The following CCDC158 variants were observed in gnomAD, a reference collection of about 807,000 sequenced individuals.
CCDC158 encodes the protein coiled-coil domain containing 158.
CCDC158 carries 116 observed loss-of-function variants against 138.6 expected under a neutral mutation model. That is an observed-to-expected ratio of 0.84 (90% confidence interval 0.72 to 0.98). The LOEUF (loss-of-function observed/expected upper bound fraction) is 0.98, where lower values mean the gene tolerates loss of function less well. Among genes scored for constraint, CCDC158 ranks in the 50% least tolerant of loss-of-function variants. The probability of loss-of-function intolerance (pLI) is 0.00; values close to 1 mark genes in which losing one functional copy is unlikely to be tolerated. For missense variants in CCDC158, 1,265 were observed against 1,306.1 expected, an observed-to-expected ratio of 0.97 and a Z score of 0.48; for synonymous variants, 436 against 442.4, an observed-to-expected ratio of 0.99 and a Z score of 0.18.
At chr4:76,359,928 C>T (rs1444961417) in intron 13 of CCDC158, among the ~76,000 whole-genome samples, 1 of 152,208 alleles carries the variant, frequency 6.6e-6, no homozygotes, top group African/African-American at 2.4e-5. Flanking sequence ...GAAAATGTCT[C>T]CAGGTCATTT....
intron 1 of CCDC158, among the ~76,000 whole-genome samples, chr4:76,415,237 TGA>T (rs1215170241): frequency 6.6e-6 from 1 of 152,168 alleles, no homozygotes; most frequent in African/African-American, 2.4e-5. Flanking sequence ...ACTTTGATCT[TGA>T]GAGAGATGAT....
chr4:76,407,648 T>A (rs1728939467), intron 2 of CCDC158, among the ~76,000 whole-genome samples: 1 of 152,162 alleles, frequency 6.6e-6, no homozygotes, highest in Non-Finnish European at 1.5e-5. Flanking sequence ...AATGTTATCA[T>A]GAATTAGAGA....
At chr4:76,367,998 T>C (rs1025890636) in intron 11 of CCDC158, among the ~76,000 whole-genome samples, 13 of 152,114 alleles carry the variant, frequency 8.5e-5, no homozygotes, top group Admixed American at 5.9e-4. Flanking sequence ...CCCAAAGTGC[T>C]GGGATTTCAG....
chr4:76,318,451 T>C (rs1422707681), intron 24 of CCDC158, among the ~76,000 whole-genome samples: 1 of 151,944 alleles, frequency 6.6e-6, no homozygotes, highest in Non-Finnish European at 1.5e-5. Context: ...ACCCTCCTGA[T>C]TAAGCTAGGA....
chr4:76,397,502 A>ATAACATTAGAACACAGTGT (rs1727927564), intron 3 of CCDC158, among the ~76,000 whole-genome samples: 1 of 152,212 alleles, frequency 6.6e-6, no homozygotes, highest in Non-Finnish European at 1.5e-5. Flanking sequence ...GTTCCTTCAA[A>ATAACATTAGAACACAGTGT]TAACATTAGA....
intron 13 of CCDC158, among the ~76,000 whole-genome samples, chr4:76,361,488 G>C (rs1724135836): frequency 1.3e-5 from 2 of 152,194 alleles, no homozygotes; most frequent in South Asian, 4.1e-4. Context: ...CATGAACCCG[G>C]GAGGCGGAGC....
At chr4:76,353,346 A>C (rs1346254738) in intron 15 of CCDC158, 65 bp from the exon 16 acceptor site, 52 of 1,308,258 alleles carry the variant, frequency 4.0e-5, no homozygotes, top group Non-Finnish European at 5.4e-5. Context: ...AAGGTAATGG[A>C]AATATAAAAT....
intron 19 of CCDC158, 53 bp from the exon 20 acceptor site, chr4:76,332,544 T>G: frequency 7.3e-7 from 1 of 1,375,888 alleles, no homozygotes; most frequent in South Asian, 1.3e-5. Flanking sequence ...ATTTCATCCA[T>G]GTCTTTTTTA....
At chr4:76,378,664 CT>C (rs33981982) in intron 9 of CCDC158, among the ~76,000 whole-genome samples, 4,471 of 152,080 alleles carry the variant, frequency 0.029, 220 homozygotes, top group African/African-American at 0.1. Context: ...TTTTTAGGGT[CT>C]TACTGTTTTA....
Position 76,351,738 on chromosome 4 carries a change from T to C in CCDC158, c.2520A>G (p.Gln840=). 1 of 1,610,990 alleles carries C rather than the reference T, an allele frequency of 6.2e-7. No homozygotes were observed. The highest frequency in any genetic ancestry group is 1.3e-5 in the African/African-American group (1 of 75,000). Residue 840 remains glutamine, a synonymous_variant, in exon 17 of 25, where the codon CAA becomes CAG. Transcript: ENST00000682701. ...ACCTTACTTTTATATCCAAAGTGTG[T>C]TGAAGTTTTAAGCGCACTGATTCTT... The part of the protein sequence containing the change: ...QEQESVRLKL[Q]HTLDIKELQG...
chr4:76,362,156 T>G lies in CCDC158; in HGVS notation c.1990A>C (p.Thr664Pro), dbSNP rs374450717. 2 of 1,613,706 alleles carry G rather than the reference T, an allele frequency of 1.2e-6. No individual in the cohort carries two copies. The highest frequency in any genetic ancestry group is 1.7e-6 in the Non-Finnish European group (2 of 1,179,940). Reference sequence around the variant, plus strand: ...AGATTGTTTAATTCACTCCTACTTGTTTTCACCTCATTTAATAATTGATCT... The same window carrying G: ...AGATTGTTTAATTCACTCCTACTTGGTTTCACCTCATTTAATAATTGATCT... ...ERDQLLNEVK[T>P]SRSELNNLSE... Residue 664 changes from threonine to proline, a missense_variant, in exon 13 of 25, where the codon ACA becomes CCA. Thr to Pro is a conservative substitution (Grantham distance 38). Coordinates refer to ENST00000682701, the MANE Select transcript of CCDC158 (RefSeq NM_001394954.1).
At chr4:76,389,003 G>A (rs10004732) in intron 4 of CCDC158, among the ~76,000 whole-genome samples, 4,038 of 152,082 alleles carry the variant, frequency 0.027, 177 homozygotes, top group African/African-American at 0.092. Context: ...GCACAAATAA[G>A]CTCAACTGTG....
intron 18 of CCDC158, among the ~76,000 whole-genome samples, chr4:76,347,451 A>C (rs1000367952): frequency 6.6e-6 from 1 of 152,086 alleles, no homozygotes; most frequent in African/African-American, 2.4e-5. Flanking sequence ...GCAAACTAAC[A>C]CAAGAACAGA....
intron 3 of CCDC158, among the ~76,000 whole-genome samples, chr4:76,398,966 C>T (rs1436361330): frequency 1.3e-5 from 2 of 152,056 alleles, no homozygotes; most frequent in African/African-American, 4.8e-5. Flanking sequence ...GGGAGGACAA[C>T]TGGAGAAATT....
At chr4:76,332,833 G>A (rs1458356623) in intron 19 of CCDC158, among the ~76,000 whole-genome samples, 1 of 152,192 alleles carries the variant, frequency 6.6e-6, no homozygotes, top group Non-Finnish European at 1.5e-5. Context: ...TGGCTGGAGT[G>A]GTGGAAGCTG....
intron 14 of CCDC158, among the ~76,000 whole-genome samples, chr4:76,356,372 GT>G (rs3041128): frequency 0.81 from 122,791 of 151,102 alleles, 50,038 homozygotes; most frequent in Admixed American, 0.85. Context: ...TAAAACAAAT[GT>G]TTTTTTTTTT....
In CCDC158 at chr4:76,403,259, C is replaced by T. The variant is rs1292131567; in HGVS notation, c.-52G>A. On this transcript the variant is annotated 5_prime_UTR_variant, in exon 3 of 25. Transcript: ENST00000682701. ...GATCTTGAAGTATGAATGGTTCCCT[C>T]TTTGGTTCTTTTGGTTCCTGTCTAT... The T allele has an allele frequency of 7.8e-7, 1 of 1,280,936 alleles. No homozygotes were observed. Among genetic ancestry groups the T allele is most frequent in the South Asian group, 1.3e-5 (1 of 76,396 alleles). 79.3% of individuals were successfully genotyped at this position (1,280,936 alleles called of 1,614,324 possible). A position where few individuals can be genotyped will look rare whatever the true frequency, so the allele number is the denominator to read the frequency against.
chr4:76,380,822 C>G (rs1726166603), intron 8 of CCDC158, among the ~76,000 whole-genome samples: 2 of 152,212 alleles, frequency 1.3e-5, no homozygotes, highest in Admixed American at 6.5e-5. Flanking sequence ...GTTTTGTAAG[C>G]CAGGGCCCTC....
At chr4:76,354,233 CAAAAAA>C (rs749565764) in intron 15 of CCDC158, among the ~76,000 whole-genome samples, 1 of 63,938 alleles carries the variant, frequency 1.6e-5, no homozygotes, top group Non-Finnish European at 2.9e-5. Flanking sequence ...TTCCCAAAGG[CAAAAAA>C]AAAAAAAAAA....
Sources: allele counts gnomAD v4.1 joint callset (sites outside exome capture counted in the v4.1 genomes callset), GRCh38; gene constraint gnomAD v4.1.1; transcripts MANE v1.5; gene names NCBI Gene and HGNC (gene_info 2026-07-23, HGNC 2026-07-21).